STK26: variants seen among roughly 807,000 people sequenced by gnomAD.
STK26 encodes the protein serine/threonine-protein kinase 26.
Under a neutral mutation model 34.7 loss-of-function variants are expected in STK26, and 14 were observed. The ratio of observed to expected loss-of-function variants is 0.40; its 90% CI spans 0.27 to 0.63. The LOEUF (loss-of-function observed/expected upper bound fraction) is 0.63. Among genes scored for constraint, STK26 ranks in the 30% least tolerant of loss-of-function variants. The probability of loss-of-function intolerance (pLI) is 0.38; values close to 1 mark genes in which losing one functional copy is unlikely to be tolerated. For missense variants in STK26, 226 were observed against 309.1 expected (o/e 0.73, Z 2.02); for synonymous variants, 100 against 109.8 (o/e 0.91, Z 0.56).
chrX:132,045,828 C>A (rs895441424), intron 2 of STK26, among the ~76,000 whole-genome samples: 8 of 111,902 alleles, frequency 7.1e-5, no homozygotes, highest in Admixed American at 5.7e-4. Context: ...ACAAAAAACA[C>A]AAAATTAGTT....
In STK26 at chrX:132,071,056, T is replaced by A. The variant is rs1407866916; in HGVS notation, c.784-13T>A. The A allele has an allele frequency of 8.4e-7, 1 of 1,197,467 alleles. No homozygotes were observed. Among genetic ancestry groups the A allele is most frequent in the South Asian group, 1.8e-5 (1 of 55,285 alleles). ...ACAATTGTCATATGCAGCCTTGATCTTTTTATCCTTAGCGTCCTACAGCAA... is the reference window on the plus strand; with the variant it reads ...ACAATTGTCATATGCAGCCTTGATCATTTTATCCTTAGCGTCCTACAGCAA... On this transcript the variant is annotated splice_polypyrimidine_tract_variant and intron_variant, in intron 7 of 11. Transcript: ENST00000394334.
At chrX:132,029,632 A>G (rs1038602663) in intron 2 of STK26, among the ~76,000 whole-genome samples, 3 of 111,038 alleles carry the variant, frequency 2.7e-5, no homozygotes, top group Non-Finnish European at 5.7e-5. Context: ...CTGTAGATCT[A>G]TACTTAGTTC....
At position 132,061,842 on chromosome X, in the gene STK26, A is replaced by G. The variant is rs753048942; in HGVS notation, c.274-1591A>G. On this transcript the variant is annotated intron_variant, in intron 3 of 11. Transcript: ENST00000394334. The stretch of plus-strand genomic sequence containing the variant: ...TGGAAATTTTAAATTGGACTCCTGA[A>G]TACCTCCCAGGGATTTTTGAGTTTG... 3.6e-5 allele frequency among the ~76,000 whole-genome samples: 4 copies of G among 111,389 alleles called. No individual in the cohort carries two copies. In the South Asian group the frequency reaches 1.5e-3, roughly 42 times the overall value.
In STK26 at chrX:132,071,153, C is replaced by T; in HGVS notation, c.868C>T (p.Arg290Cys). The stretch of plus-strand genomic sequence containing the variant: ...TTCTTATCTGACTGAACTGATAGAT[C>T]GTTTTAAGAGATGGAAGGCAGAAGG... ...KTSYLTELID[R>C]FKRWKAEGHS... is the part of the protein sequence containing the mutation. The change falls in exon 8 of 12, where the codon CGT becomes TGT. Residue 290 changes from arginine (R) to cysteine (C), a missense_variant. This residue lies in a region of STK26 where 126 missense variants were observed against 132.4 expected (regional missense o/e 0.95). Coordinates refer to ENST00000394334, the MANE Select transcript of STK26 (RefSeq NM_016542.4). 1 of 1,208,901 alleles carries T rather than the reference C, an allele frequency of 8.3e-7. No homozygotes were observed. The highest frequency in any genetic ancestry group is 1.8e-5 in the South Asian group (1 of 56,842).
chrX:132,065,362 T>C (rs1316643223), intron 4 of STK26, among the ~76,000 whole-genome samples: 1 of 111,789 alleles, frequency 8.9e-6, no homozygotes, highest in Non-Finnish European at 1.9e-5. Context: ...CTTTCCAAAT[T>C]TATCAGTTGT....
intron 7 of STK26, 74 bp from the exon 8 acceptor site, chrX:132,070,994 GA>G: frequency 1.9e-6 from 2 of 1,041,617 alleles, no homozygotes; most frequent in Non-Finnish European, 2.6e-6. Context: ...TAATTCAAAT[GA>G]TTTTTTTTAC....
At position 132,023,421 on chromosome X, in the gene STK26, C is replaced by T. The variant is rs1187372876; in HGVS notation, c.-111+14C>T. On this transcript the variant is annotated intron_variant, in intron 1 of 11. Transcript: ENST00000394334. ...GGCGCCAGAAAGGTAGACTGAGTCC[C>T]AGGGAGCTGCGCCGCTAACAGCCCA... 1.8e-6 allele frequency: 1 copy of T among 563,550 alleles called. No homozygotes were observed. Among genetic ancestry groups the T allele is most frequent in the East Asian group, 3.4e-5 (1 of 29,707 alleles). 46.4% of individuals were successfully genotyped at this position (563,550 alleles called of 1,213,427 possible).
At chrX:132,073,120 T>C in intron 11 of STK26, 27 bp downstream of exon 11, 1 of 1,156,464 alleles carries the variant, frequency 8.6e-7, no homozygotes, top group Non-Finnish European at 1.2e-6. Flanking sequence ...ATTTTAAAAA[T>C]TATTTTGCAT....
At chrX:132,034,742 A>C (rs181110129) in intron 2 of STK26, among the ~76,000 whole-genome samples, 1 of 111,375 alleles carries the variant, frequency 9.0e-6, no homozygotes, top group African/African-American at 3.3e-5. Context: ...GCTAGGCTGG[A>C]GATAAGGGAA....
chrX:132,052,866 AT>A (rs937612451), intron 2 of STK26, among the ~76,000 whole-genome samples: 1 of 111,818 alleles, frequency 8.9e-6, no homozygotes, highest in Admixed American at 9.5e-5. Context: ...AAACAGAAAT[AT>A]TTTTTTCTAA....
At chrX:132,040,478 A>C (rs1926223896) in intron 2 of STK26, among the ~76,000 whole-genome samples, 1 of 112,333 alleles carries the variant, frequency 8.9e-6, no homozygotes, top group Non-Finnish European at 1.9e-5. Flanking sequence ...ATTACATAGA[A>C]TGTTGTATTG....
In STK26 at chrX:132,038,028, T is replaced by C. The variant is rs1386915318; in HGVS notation, c.42+14369T>C. 2.7e-5 allele frequency among the ~76,000 whole-genome samples: 3 copies of C among 110,394 alleles called. No individual in the cohort carries two copies. In the Admixed American group the frequency reaches 2.9e-4, roughly 11 times the overall value. ...CCGCTGTTGCTATGGATCTTCTATCTGCTGAGGTTCAGGCATCGTTTTTGG... is the reference window on the plus strand; with the variant it reads ...CCGCTGTTGCTATGGATCTTCTATCCGCTGAGGTTCAGGCATCGTTTTTGG... On this transcript the variant is annotated intron_variant, in intron 2 of 11. Transcript: ENST00000394334.
intron 2 of STK26, among the ~76,000 whole-genome samples, chrX:132,047,842 T>G (rs1318202645): frequency 2.7e-5 from 3 of 111,731 alleles, no homozygotes; most frequent in African/African-American, 9.7e-5. Flanking sequence ...ACCACCACAG[T>G]CTGGTTACCA....
chrX:132,033,505 T>C (rs761336137), intron 2 of STK26, among the ~76,000 whole-genome samples: 3 of 112,306 alleles, frequency 2.7e-5, no homozygotes, highest in Admixed American at 9.4e-5. Context: ...GGAAGAACAC[T>C]TGGCAAACTC....
At chrX:132,069,410 CATATATATATAT>C (rs57609807) in intron 6 of STK26, 56 bp from the exon 7 acceptor site, 1,062 of 93,353 alleles carry the variant, frequency 0.011, 29 homozygotes, top group African/African-American at 0.049. Flanking sequence ...CATACATACA[CATATATATATAT>C]ATATATATAT....
chrX:132,041,464 T>G (rs1387197658), intron 2 of STK26, among the ~76,000 whole-genome samples: 1 of 111,851 alleles, frequency 8.9e-6, no homozygotes, highest in Non-Finnish European at 1.9e-5. Context: ...AGGGTACAAA[T>G]GAACTCAAGT....
At chrX:132,069,305 C>T (rs1314644871) in intron 6 of STK26, among the ~76,000 whole-genome samples, 173 bp from the exon 7 acceptor site, 1 of 103,671 alleles carries the variant, frequency 9.6e-6, no homozygotes, top group Admixed American at 1.1e-4. Context: ...AATTTATTAA[C>T]ACCACATTTT....
chrX:132,039,705 G>A (rs1926192166), intron 2 of STK26, among the ~76,000 whole-genome samples: 1 of 112,008 alleles, frequency 8.9e-6, no homozygotes, highest in Non-Finnish European at 1.9e-5. Context: ...CTAAGAGGTA[G>A]TAAGGCTATA....
intron 2 of STK26, among the ~76,000 whole-genome samples, chrX:132,038,314 A>G (rs960778645): frequency 9.0e-6 from 1 of 111,683 alleles, no homozygotes; most frequent in Non-Finnish European, 1.9e-5. Context: ...TGGGGAGGTA[A>G]TAGTCATTTG....
Sources: allele counts gnomAD v4.1 joint callset (sites outside exome capture counted in the v4.1 genomes callset), GRCh38; gene constraint gnomAD v4.1.1; regional missense constraint gnomAD v4.1.1; transcripts MANE v1.5; gene names NCBI Gene and HGNC (gene_info 2026-07-23, HGNC 2026-07-21).